The following CNTNAP5 variants were observed in gnomAD, a reference collection of about 807,000 sequenced individuals.
The protein encoded by CNTNAP5 is contactin-associated protein-like 5.
CNTNAP5 carries 72 observed loss-of-function variants against 150.2 expected under a neutral mutation model. The observed-to-expected ratio is 0.48, with a 90% CI of 0.40 to 0.58. The LOEUF is 0.58. Among genes scored for constraint, CNTNAP5 ranks in the 20% least tolerant of loss-of-function variants. The probability of loss-of-function intolerance (pLI) is 0.00; values close to 1 mark genes in which losing one functional copy is unlikely to be tolerated. For synonymous variants in CNTNAP5, 672 were observed against 619.8 expected (o/e 1.08, Z -1.25); for missense variants, 1,636 against 1,626.2 (o/e 1.01, Z -0.10).
At chr2:124,401,155 C>T (rs1212448235) in intron 3 of CNTNAP5, among the ~76,000 whole-genome samples, 2 of 152,192 alleles carry the variant, frequency 1.3e-5, no homozygotes, top group African/African-American at 4.8e-5. Flanking sequence ...TGTGAGCCAT[C>T]GTGCCCAGCC....
At chr2:124,695,018 G>T (rs1172017381) in intron 13 of CNTNAP5, among the ~76,000 whole-genome samples, 1 of 151,958 alleles carries the variant, frequency 6.6e-6, no homozygotes, top group Non-Finnish European at 1.5e-5. Flanking sequence ...GTGTGTGTGT[G>T]TGTGTTACAA....
intron 1 of CNTNAP5, among the ~76,000 whole-genome samples, chr2:124,137,172 G>A (rs17010914): frequency 0.025 from 3,851 of 152,118 alleles, 179 homozygotes; most frequent in African/African-American, 0.087. Flanking sequence ...TGGTCTGACT[G>A]GCTACTGGCC....
At chr2:124,630,098 A>C (rs183305851) in intron 12 of CNTNAP5, among the ~76,000 whole-genome samples, 6 of 152,078 alleles carry the variant, frequency 3.9e-5, no homozygotes, top group Middle Eastern at 3.4e-3. Context: ...CCAAAAAAAA[A>C]AGAATCCCAA....
intron 19 of CNTNAP5, among the ~76,000 whole-genome samples, chr2:124,829,758 T>A (rs1440124703): frequency 6.6e-6 from 1 of 151,912 alleles, no homozygotes; most frequent in East Asian, 1.9e-4. Context: ...AGAGAATACT[T>A]CAAAATAATA....
chr2:124,761,653 G>A (rs1573599896), intron 14 of CNTNAP5, among the ~76,000 whole-genome samples: 1 of 152,002 alleles, frequency 6.6e-6, no homozygotes, highest in Non-Finnish European at 1.5e-5. Flanking sequence ...ACACAAAGCT[G>A]GATTCGCATG....
At chr2:124,264,325 G>A (rs766283007) in intron 3 of CNTNAP5, among the ~76,000 whole-genome samples, 4 of 151,424 alleles carry the variant, frequency 2.6e-5, no homozygotes, top group Non-Finnish European at 4.4e-5. Flanking sequence ...GAGAGTGTTC[G>A]AGTAAACAAT....
Position 124,670,359 on chromosome 2 carries a change from T to C in CNTNAP5, c.2077+22401T>C, listed in dbSNP as rs1469326966. Among the ~76,000 whole-genome samples, 5 of 152,230 alleles carry C rather than the reference T, an allele frequency of 3.3e-5. No individual in the cohort carries two copies. In the East Asian group the frequency reaches 9.6e-4, roughly 29 times the overall value. On this transcript the variant is annotated intron_variant, in intron 13 of 23. Coordinates refer to ENST00000682447, the MANE Select transcript of CNTNAP5 (RefSeq NM_001367498.1). ...TATCTTTTCATGTACTTGCTGGCCA[T>C]CTGTGTGTCTTCTGTGGAAAAATGT...
chr2:124,129,164 A>G (rs1012984814), intron 1 of CNTNAP5, among the ~76,000 whole-genome samples: 1 of 152,188 alleles, frequency 6.6e-6, no homozygotes, highest in Non-Finnish European at 1.5e-5. Context: ...ATACAACTAG[A>G]TGGTGGTTGC....
chr2:124,349,255 A>G (rs74999884), intron 3 of CNTNAP5, among the ~76,000 whole-genome samples: 6,752 of 152,300 alleles, frequency 0.044, 218 homozygotes, highest in Non-Finnish European at 0.07. Context: ...TAGACTATAC[A>G]CCTGTACAGC....
chr2:124,652,668 C>T lies in CNTNAP5; in HGVS notation c.2077+4710C>T, dbSNP rs1221345817. Among the ~76,000 whole-genome samples the T allele has an allele frequency of 2.0e-5, 3 of 152,142 alleles. No individual in the cohort carries two copies. In the East Asian group the frequency reaches 5.8e-4, roughly 29 times the overall value. ...TATAGCAAGTGACCGCATGGGGAAACTGAGTGCCCAGATCTCTGCTGGGAA... is the reference window on the plus strand; with the variant it reads ...TATAGCAAGTGACCGCATGGGGAAATTGAGTGCCCAGATCTCTGCTGGGAA... On this transcript the variant is annotated intron_variant, in intron 13 of 23. Coordinates refer to ENST00000682447, the MANE Select transcript of CNTNAP5 (RefSeq NM_001367498.1).
intron 1 of CNTNAP5, among the ~76,000 whole-genome samples, chr2:124,098,519 A>T (rs578104053): frequency 6.6e-6 from 1 of 152,318 alleles, no homozygotes; most frequent in Non-Finnish European, 1.5e-5. Context: ...TGGGCTAGAG[A>T]TGGTTCTGAT....
intron 19 of CNTNAP5, among the ~76,000 whole-genome samples, chr2:124,798,842 T>C (rs1681904173): frequency 6.6e-6 from 1 of 151,790 alleles, no homozygotes; most frequent in South Asian, 2.1e-4. Flanking sequence ...TTTTCAGGCT[T>C]TTTTTTTAAA....
intron 13 of CNTNAP5, among the ~76,000 whole-genome samples, chr2:124,734,548 A>G (rs1573581405): frequency 6.6e-6 from 1 of 151,908 alleles, no homozygotes; most frequent in East Asian, 1.9e-4. Flanking sequence ...CTTGTAGCAA[A>G]TTTGTGAGAA....
At chr2:124,484,977 G>C (rs756932059) in intron 7 of CNTNAP5, among the ~76,000 whole-genome samples, 1 of 152,234 alleles carries the variant, frequency 6.6e-6, no homozygotes, top group South Asian at 2.1e-4. Flanking sequence ...TCACCAGGAC[G>C]CCTAGTAAGT....
intron 1 of CNTNAP5, among the ~76,000 whole-genome samples, chr2:124,092,066 G>A (rs1485997146): frequency 1.3e-5 from 2 of 152,108 alleles, no homozygotes; most frequent in Non-Finnish European, 2.9e-5. Flanking sequence ...TCTTTTTATC[G>A]TATTATCCTT....
intron 6 of CNTNAP5, among the ~76,000 whole-genome samples, chr2:124,468,950 C>T (rs1475357424): frequency 1.3e-5 from 2 of 152,208 alleles, no homozygotes; most frequent in African/African-American, 4.8e-5. Flanking sequence ...TCATGCTGAA[C>T]TTGAGACAGC....
At chr2:124,451,077 T>TATATATACAC (rs755084840) in intron 6 of CNTNAP5, among the ~76,000 whole-genome samples, 62 of 61,444 alleles carry the variant, frequency 1.0e-3, no homozygotes, top group East Asian at 4.4e-3. Flanking sequence ...TATATATATA[T>TATATATACAC]ACACACACAC....
intron 16 of CNTNAP5, among the ~76,000 whole-genome samples, chr2:124,770,042 T>C (rs1681156997): frequency 6.6e-6 from 1 of 152,216 alleles, no homozygotes; most frequent in Non-Finnish European, 1.5e-5. Flanking sequence ...AGCTTAAACA[T>C]AGTATGTCTT....
rs756000668 is a variant in CNTNAP5 at position 124,609,881 on chromosome 2, G to A, written c.1837G>A (p.Gly613Ser). 1.1e-5 allele frequency: 17 copies of A among 1,613,790 alleles called. No homozygotes were observed. Among genetic ancestry groups the A allele is most frequent in the African/African-American group, 6.7e-5 (5 of 74,910 alleles). Reference protein sequence around the residue: ...GFFYIDSDGSGPLGPLQVYCN... With the variant: ...GFFYIDSDGSSPLGPLQVYCN... ...CTTCTACATCGACTCAGATGGCAGC[G>A]GCCCACTGGGACCTCTCCAGGTGTA... Residue 613 changes from glycine to serine, a missense_variant, in exon 12 of 24, where the codon GGC (glycine) becomes AGC (serine). By Grantham distance (56) the Gly-to-Ser change is moderately conservative. Coordinates refer to ENST00000682447, the MANE Select transcript of CNTNAP5 (RefSeq NM_001367498.1).
Sources: allele counts gnomAD v4.1 joint callset (sites outside exome capture counted in the v4.1 genomes callset), GRCh38; gene constraint gnomAD v4.1.1; transcripts MANE v1.5; gene names NCBI Gene and HGNC (gene_info 2026-07-23, HGNC 2026-07-21).